Variants in DNAH1 observed in about 807,000 individuals in gnomAD.
DNAH1 encodes axonemal beta dynein heavy chain 1.
A neutral mutation model predicts 484.3 loss-of-function variants in DNAH1; 327 were observed. The observed-to-expected ratio is 0.68, with a 90% CI of 0.62 to 0.74. The LOEUF (loss-of-function observed/expected upper bound fraction) is 0.74. Among genes scored for constraint, DNAH1 ranks in the 30% least tolerant of loss-of-function variants. The pLI is 0.00. For synonymous variants in DNAH1, 2,192 were observed against 2,191.9 expected (o/e 1.00, Z 0.00); for missense variants, 5,052 against 5,546.8 (o/e 0.91, Z 2.83).
rs1011001690 is a variant in DNAH1, at chr3:52,322,594, A to G, written c.152A>G (p.Asn51Ser). 4.3e-6 allele frequency: 7 copies of G among 1,613,422 alleles called. No homozygotes were observed. The highest frequency in any genetic ancestry group is 1.3e-5 in the African/African-American group (1 of 74,764). Residue 51 changes from asparagine (N) to serine (S), a missense_variant, in exon 2 of 78, where the codon AAT (asparagine) becomes AGT (serine). By Grantham distance (46) the Asn-to-Ser change is conservative. Coordinates refer to ENST00000420323, the MANE Select transcript of DNAH1 (RefSeq NM_015512.5). ...CCAGGATCAGACTATGGGTTGGGAA[A>G]TCCTCCAGCCCTTGACCCCAAGCTC... is the stretch of plus-strand genomic sequence containing the variant. ...ILPGSDYGLGNPPALDPKLPH... is the reference protein window; with the variant it reads ...ILPGSDYGLGSPPALDPKLPH...
chr3:52,350,290 G>A (rs1037008298), intron 15 of DNAH1, among the ~76,000 whole-genome samples, 182 bp downstream of exon 15: 5 of 152,058 alleles, frequency 3.3e-5, no homozygotes, highest in African/African-American at 4.8e-5. Flanking sequence ...GCTGTCTGGG[G>A]GTAGGGGGGA....
Position 52,335,256 on chromosome 3 carries a change from C to T in DNAH1, c.1286+2862C>T, listed in dbSNP as rs576832732. Among the ~76,000 whole-genome samples, 4 of 142,644 alleles carry T rather than the reference C, an allele frequency of 2.8e-5. No homozygotes were observed. The East Asian group carries it at 8.1e-4, about 29-fold the overall frequency. The allele number at this position is 142,644 out of a possible 152,430, so 93.6% of individuals were successfully genotyped here. A position where few individuals can be genotyped will look rare whatever the true frequency, so the allele number is the denominator to read the frequency against. On this transcript the variant is annotated intron_variant, in intron 8 of 77. Coordinates refer to ENST00000420323, the MANE Select transcript of DNAH1 (RefSeq NM_015512.5). ...TTTTTTAGTAGAGACGGGGTTTCACCATGTTCGCCAGGATGGTCTCGATCT... is the reference window on the plus strand; with the variant it reads ...TTTTTTAGTAGAGACGGGGTTTCACTATGTTCGCCAGGATGGTCTCGATCT...
intron 63 of DNAH1, among the ~76,000 whole-genome samples, chr3:52,391,972 C>G (rs886291500): frequency 2.0e-5 from 3 of 152,192 alleles, no homozygotes; most frequent in African/African-American, 7.2e-5. Flanking sequence ...CACTCTGGCT[C>G]TTTGAATCCA....
chr3:52,344,962 CCTT>C (rs1463964739), intron 9 of DNAH1, among the ~76,000 whole-genome samples: 1 of 152,202 alleles, frequency 6.6e-6, no homozygotes, highest in Non-Finnish European at 1.5e-5. Flanking sequence ...AGAGGATAGT[CCTT>C]CTTCCTCCAG....
Position 52,326,782 on chromosome 3 carries a change from G to A in DNAH1, c.629G>A (p.Ser210Asn). The change falls in exon 5 of 78, where the codon AGC (serine) becomes AAC (asparagine). Residue 210 changes from serine to asparagine, a missense_variant. Physicochemically the swap from Ser to Asn is conservative, Grantham distance 46. This residue lies in a region of DNAH1 where 1,263 missense variants were observed against 1,218.8 expected (regional missense o/e 1.04). Coordinates refer to ENST00000420323, the MANE Select transcript of DNAH1 (RefSeq NM_015512.5). ...CTGGACATTGAGCAGTTGCTGTTCAGCCAGGGCATCGACTCCAACAAGCTC... is the reference window on the plus strand; with the variant it reads ...CTGGACATTGAGCAGTTGCTGTTCAACCAGGGCATCGACTCCAACAAGCTC... ...LSLDIEQLLF[S>N]QGIDSNKLMP... 1 of 1,613,806 alleles carries A rather than the reference G, an allele frequency of 6.2e-7. No individual in the cohort carries two copies. Among genetic ancestry groups the A allele is most frequent in the Non-Finnish European group, 8.5e-7 (1 of 1,179,802 alleles).
chr3:52,386,821 C>A lies in DNAH1; in HGVS notation c.8971C>A (p.His2991Asn). 1 of 1,585,464 alleles carries A rather than the reference C, an allele frequency of 6.3e-7. No individual in the cohort carries two copies. The highest frequency in any genetic ancestry group is 2.3e-5 in the East Asian group (1 of 43,646). Residue 2991 changes from histidine to asparagine, a missense_variant, in exon 56 of 78, where the codon CAC (histidine) becomes AAC (asparagine). Transcript: ENST00000420323. ...CAAGGGGCTGCTGCAGGACCCGGGC[C>A]ACTTCCTTGAGAGCCTCTTCAAGTT... The part of the protein sequence containing the change: ...PGKGLLQDPG[H>N]FLESLFKFDK...
chr3:52,383,585 T>C lies in DNAH1; in HGVS notation c.8141T>C (p.Leu2714Pro). ...GTGCGCAGCAACATCCACATGGTGCTGTGCATGAGGTACAGGCAGCTGTCG... is the reference window on the plus strand; with the variant it reads ...GTGCGCAGCAACATCCACATGGTGCCGTGCATGAGGTACAGGCAGCTGTCG... Reference protein sequence around the residue: ...GRVRSNIHMVLCMSPIGEVFR... With the variant: ...GRVRSNIHMVPCMSPIGEVFR... Residue 2714 changes from leucine to proline, a missense_variant, in exon 51 of 78, where the codon CTG (leucine) becomes CCG (proline). By Grantham distance (98) the Leu-to-Pro change is moderately conservative. Coordinates refer to ENST00000420323, the MANE Select transcript of DNAH1 (RefSeq NM_015512.5). 1 of 1,584,978 alleles carries C rather than the reference T, an allele frequency of 6.3e-7. No individual in the cohort carries two copies. Among genetic ancestry groups the C allele is most frequent in the Non-Finnish European group, 8.6e-7 (1 of 1,163,792 alleles).
chr3:52,370,485 G>C lies in DNAH1; in HGVS notation c.6267G>C (p.Lys2089Asn), dbSNP rs1302036965. The part of the protein sequence containing the change: ...FKPFLPREGL[K>N]KIPSEKLSRI... The stretch of plus-strand genomic sequence containing the variant: ...GTTCCCTTCATCCCCAGGGCCTCAA[G>C]AAAATACCCTCTGAAAAGCTGAGTC... The change falls in exon 40 of 78, where the codon AAG becomes AAC. Residue 2089 changes from lysine (K) to asparagine (N), a missense_variant. Lys to Asn is a moderately conservative substitution (Grantham distance 94, BLOSUM62 0). Coordinates refer to ENST00000420323, the MANE Select transcript of DNAH1 (RefSeq NM_015512.5). 6.2e-7 allele frequency: 1 copy of C among 1,613,958 alleles called. No homozygotes were observed. Among genetic ancestry groups the C allele is most frequent in the Admixed American group, 1.7e-5 (1 of 60,024 alleles).
Position 52,400,362 on chromosome 3 carries a change from C to T in DNAH1, c.12714C>T (p.Val4238=), listed in dbSNP as rs1463163122. The part of the protein sequence containing the change: ...LSTTGHSTNY[V]IAVEIPTHQP... ...CCACAGGACACTCTACCAACTATGT[C>T]ATTGCTGTGGAGATCCCCACCCATC... Residue 4238 remains valine (V), a synonymous_variant, in exon 78 of 78, where the codon GTC becomes GTT. Transcript: ENST00000420323. The T allele has an allele frequency of 6.2e-7, 1 of 1,614,036 alleles. No individual in the cohort carries two copies. Among genetic ancestry groups the T allele is most frequent in the East Asian group, 2.2e-5 (1 of 44,878 alleles).
At chr3:52,331,619 CTTTTTTTTT>C (rs36097098) in intron 7 of DNAH1, among the ~76,000 whole-genome samples, 112 of 111,336 alleles carry the variant, frequency 1.0e-3, no homozygotes, top group African/African-American at 2.7e-3. Flanking sequence ...AAATACTTTT[CTTTTTTTTT>C]TTTTTTTTTT....
Position 52,368,622 on chromosome 3 carries a change from CA to C in DNAH1, c.5766-116del. ...TTTCCTATTATAATTTTTAAAAGAA[CA>C]AAGAGATTGAAGGAAAGTAGAGCCC... On this transcript the variant is annotated intron_variant, in intron 36 of 77. Transcript: ENST00000420323. This position sits in a 1 kb window ranked among gnomAD's most constrained non-coding sequence, Gnocchi z 4.4. 1.8e-6 allele frequency: 2 copies of C among 1,089,824 alleles called. No homozygotes were observed. Among genetic ancestry groups the C allele is most frequent in the Non-Finnish European group, 1.3e-6 (1 of 756,114 alleles). The allele number at this position is 1,089,824 out of a possible 1,614,324, so 67.5% of individuals were successfully genotyped here.
At chr3:52,316,162 C>A (rs915243710), upstream of DNAH1, among the ~76,000 whole-genome samples, 4 of 152,218 alleles carry the variant, frequency 2.6e-5, no homozygotes, top group Admixed American at 6.5e-5. Flanking sequence ...TGGCAACTTT[C>A]CAGGATTAGC....
chr3:52,378,149 G>T (rs866663195), intron 46 of DNAH1, among the ~76,000 whole-genome samples: 2 of 152,194 alleles, frequency 1.3e-5, no homozygotes, highest in South Asian at 4.2e-4. Flanking sequence ...AGGCAGCCCC[G>T]AAGTGGGTGG....
intron 8 of DNAH1, among the ~76,000 whole-genome samples, chr3:52,342,573 G>C (rs1559504493): frequency 6.6e-6 from 1 of 152,154 alleles, no homozygotes; most frequent in Admixed American, 6.6e-5. Flanking sequence ...CCCAGGTCTG[G>C]GGATTTCCAA....
At chr3:52,348,557 G>C (rs1005409192) in intron 12 of DNAH1, among the ~76,000 whole-genome samples, 2 of 152,234 alleles carry the variant, frequency 1.3e-5, no homozygotes, top group Non-Finnish European at 2.9e-5. Context: ...TTGCTGGTCA[G>C]TTAGAGCCTT....
In DNAH1 at chr3:52,370,128, CGG is replaced by C. The variant is rs766198316; in HGVS notation, c.6158_6159del (p.Arg2053LeufsTer32). The C allele has an allele frequency of 6.2e-7, 1 of 1,613,990 alleles. No individual in the cohort carries two copies. The highest frequency in any genetic ancestry group is 2.2e-5 in the East Asian group (1 of 44,882). On this transcript the variant is annotated frameshift_variant, in exon 39 of 78. Transcript: ENST00000420323. LOFTEE classifies it high-confidence loss of function. ...CCTGCAGGAATCCATCTCCTTCGTTCGGTCCTCAGTGAAGGAGGTGATCGCCT... is the reference window on the plus strand; with the variant it reads ...CCTGCAGGAATCCATCTCCTTCGTTCTCCTCAGTGAAGGAGGTGATCGCCT... The part of the protein sequence containing the change: ...SFLEESISFV[R>X]SSVKEVIAST...
chr3:52,393,628 G>A, intron 66 of DNAH1, 143 bp downstream of exon 66: 3 of 1,283,134 alleles, frequency 2.3e-6, no homozygotes, highest in Non-Finnish European at 3.2e-6. Flanking sequence ...TTGATTAAAA[G>A]CAGCCAGGGC....
chr3:52,362,327 CAG>C lies in DNAH1; in HGVS notation c.4981-58_4981-57del, dbSNP rs1406742409. ...ATCAACAGGGGACAAGGGGCCCACT[CAG>C]AGGAGGGGACAAGGCTGGGCACCCT... On this transcript the variant is annotated intron_variant, in intron 30 of 77. Transcript: ENST00000420323. This position sits in a 1 kb window ranked among gnomAD's most constrained non-coding sequence, Gnocchi z 5.1. 2.5e-5 allele frequency: 37 copies of C among 1,453,834 alleles called. No homozygotes were observed. Among genetic ancestry groups the C allele is most frequent in the Non-Finnish European group, 3.4e-5 (36 of 1,050,302 alleles). 90.1% of individuals were successfully genotyped at this position (1,453,834 alleles called of 1,614,324 possible).
At chr3:52,315,979 C>T (rs1700936807), upstream of DNAH1, among the ~76,000 whole-genome samples, 2 of 152,180 alleles carry the variant, frequency 1.3e-5, no homozygotes, top group Admixed American at 1.3e-4. Flanking sequence ...GCACCCCCGA[C>T]CCCCACCCCT....
Sources: gnomAD v4.1 joint callset for allele counts (sites outside exome capture counted in the v4.1 genomes callset) on GRCh38, gnomAD v4.1.1 for gene constraint, gnomAD v4.1.1 regional missense constraint, Gnocchi (gnomAD v3.1) non-coding constraint, MANE v1.5 for transcripts, NCBI Gene and HGNC (gene_info 2026-07-23, HGNC 2026-07-21) for gene names.